NEK7: variants seen among roughly 807,000 people sequenced by gnomAD.
NEK7 encodes the protein NIMA related kinase 7.
A neutral mutation model predicts 44.6 loss-of-function variants in NEK7; 18 were observed. The ratio of observed to expected loss-of-function variants is 0.40; its 90% CI spans 0.28 to 0.60. The LOEUF (loss-of-function observed/expected upper bound fraction) is 0.60. NEK7 is among the 20% of genes least tolerant of loss of function. The pLI, the probability that NEK7 is intolerant of heterozygous loss-of-function variation, is 0.38. For missense variants in NEK7, 256 were observed against 366.5 expected (o/e 0.70, Z 2.46); for synonymous variants, 130 against 121.1 (o/e 1.07, Z -0.48).
At chr1:198,242,819 T>G (rs1000490144) in intron 2 of NEK7, among the ~76,000 whole-genome samples, 6 of 150,888 alleles carry the variant, frequency 4.0e-5, no homozygotes, top group African/African-American at 1.2e-4. Flanking sequence ...ATTTTTTTTT[T>G]TGTATTTAAT....
At chr1:198,231,206 G>A (rs538503203) in intron 1 of NEK7, among the ~76,000 whole-genome samples, 4 of 149,446 alleles carry the variant, frequency 2.7e-5, no homozygotes, top group Admixed American at 6.7e-5. Context: ...ACTGTATAGT[G>A]TACTATTGTT....
At chr1:198,226,689 TGCTCTAATATTGGGGTGCCTCAGG>T (rs1161036151) in intron 1 of NEK7, among the ~76,000 whole-genome samples, 7 of 152,054 alleles carry the variant, frequency 4.6e-5, no homozygotes, top group African/African-American at 1.7e-4. Context: ...TATAGCCTTT[TGCTCTAATATTGGGGTGCCTCAGG>T]GCTCAGAAGG....
At chr1:198,257,898 T>C (rs1287456704) in intron 3 of NEK7, among the ~76,000 whole-genome samples, 1 of 152,158 alleles carries the variant, frequency 6.6e-6, no homozygotes, top group Non-Finnish European at 1.5e-5. Context: ...AGGGACACAA[T>C]AGTGGGACAC....
chr1:198,297,317 T>C (rs1400627333), intron 9 of NEK7, 77 bp downstream of exon 9: 5 of 1,577,112 alleles, frequency 3.2e-6, no homozygotes, highest in Admixed American at 1.8e-5. Flanking sequence ...AATTTTACTT[T>C]ATCCAAAAAT....
intron 3 of NEK7, among the ~76,000 whole-genome samples, chr1:198,258,311 C>T (rs376906133): frequency 2.6e-5 from 4 of 152,080 alleles, no homozygotes; most frequent in African/African-American, 9.7e-5. Context: ...TGGTGGCACA[C>T]GCCTGTAGTC....
intron 1 of NEK7, among the ~76,000 whole-genome samples, chr1:198,187,435 G>C (rs1664953895): frequency 6.6e-6 from 1 of 152,160 alleles, no homozygotes; most frequent in South Asian, 2.1e-4. Context: ...AGAAAGGCTT[G>C]TTCCACATCT....
Position 198,319,394 on chromosome 1 carries a change from G to T in NEK7, c.799-18G>T. 4 of 1,585,542 alleles carry T rather than the reference G, an allele frequency of 2.5e-6. No homozygotes were observed. The highest frequency in any genetic ancestry group is 3.4e-6 in the Non-Finnish European group (4 of 1,160,602). On this transcript the variant is annotated intron_variant, in intron 9 of 9. Coordinates refer to ENST00000367385, the MANE Select transcript of NEK7 (RefSeq NM_133494.3). Reference sequence around the variant, plus strand: ...ATAGTTGTCTTAATCAGGTTTTATTGTTTTTCTTTCTTCACAGCTCCGACA... The same window carrying T: ...ATAGTTGTCTTAATCAGGTTTTATTTTTTTTCTTTCTTCACAGCTCCGACA...
At chr1:198,240,940 G>A (rs962432778) in intron 2 of NEK7, among the ~76,000 whole-genome samples, 5 of 152,092 alleles carry the variant, frequency 3.3e-5, no homozygotes, top group African/African-American at 9.7e-5. Context: ...TGATCCACCC[G>A]CCTTGGCCTC....
At chr1:198,287,272 G>C (rs1654401939) in intron 7 of NEK7, among the ~76,000 whole-genome samples, 1 of 152,046 alleles carries the variant, frequency 6.6e-6, no homozygotes, top group Non-Finnish European at 1.5e-5. Flanking sequence ...ACGAGGTCAG[G>C]AGATTGAGAC....
At chr1:198,196,951 A>G (rs1226131177) in intron 1 of NEK7, among the ~76,000 whole-genome samples, 1 of 152,172 alleles carries the variant, frequency 6.6e-6, no homozygotes, top group Non-Finnish European at 1.5e-5. Flanking sequence ...TCTCTTGGGT[A>G]TAGTAATAGA....
At chr1:198,159,376 T>A (rs1282841907) in intron 1 of NEK7, among the ~76,000 whole-genome samples, 1 of 152,204 alleles carries the variant, frequency 6.6e-6, no homozygotes, top group African/African-American at 2.4e-5. Flanking sequence ...GTTTCGTGAT[T>A]CAGCTGCACC....
chr1:198,177,818 G>A (rs951318501), intron 1 of NEK7, among the ~76,000 whole-genome samples: 1 of 151,870 alleles, frequency 6.6e-6, no homozygotes, highest in Non-Finnish European at 1.5e-5. Flanking sequence ...GGTTAAAGGA[G>A]GCCTTTAAAT....
intron 1 of NEK7, among the ~76,000 whole-genome samples, chr1:198,223,108 CTTA>C (rs1666116555): frequency 6.6e-6 from 1 of 151,234 alleles, no homozygotes; most frequent in African/African-American, 2.4e-5. Flanking sequence ...CAGGAGATTA[CTTA>C]CAGAATTCTA....
intron 1 of NEK7, among the ~76,000 whole-genome samples, chr1:198,187,110 G>A (rs777924351): frequency 6.6e-6 from 1 of 152,140 alleles, no homozygotes; most frequent in Non-Finnish European, 1.5e-5. Flanking sequence ...TTTGCTCTGT[G>A]GCATGAATTC....
intron 2 of NEK7, among the ~76,000 whole-genome samples, chr1:198,235,543 CTG>C (rs552435721): frequency 1.6e-3 from 248 of 152,216 alleles, no homozygotes; most frequent in African/African-American, 5.8e-3. Context: ...AAAATTCAAA[CTG>C]TATAAAGATG....
At chr1:198,167,805 A>C (rs1428750637) in intron 1 of NEK7, among the ~76,000 whole-genome samples, 2 of 152,178 alleles carry the variant, frequency 1.3e-5, no homozygotes, top group African/African-American at 4.8e-5. Context: ...GCCACGCTGG[A>C]AAGTGTTCAA....
intron 2 of NEK7, among the ~76,000 whole-genome samples, chr1:198,248,821 G>T (rs1339554423): frequency 6.6e-6 from 1 of 151,886 alleles, no homozygotes; most frequent in East Asian, 1.9e-4. Flanking sequence ...GTGAACTAAA[G>T]ACAAGTTATA....
At chr1:198,235,094 A>C (rs1666510897) in intron 2 of NEK7, among the ~76,000 whole-genome samples, 1 of 152,086 alleles carries the variant, frequency 6.6e-6, no homozygotes, top group African/African-American at 2.4e-5. Flanking sequence ...GACTTCTTTC[A>C]CTTTTGTAAT....
intron 7 of NEK7, among the ~76,000 whole-genome samples, chr1:198,285,993 A>G (rs1356400646): frequency 6.6e-6 from 1 of 152,180 alleles, no homozygotes; most frequent in African/African-American, 2.4e-5. Context: ...CTTTAAATCC[A>G]GAAAGATTCA....
Sources: gnomAD v4.1 joint callset for allele counts (sites outside exome capture counted in the v4.1 genomes callset) on GRCh38, gnomAD v4.1.1 for gene constraint, MANE v1.5 for transcripts, NCBI Gene and HGNC (gene_info 2026-07-23, HGNC 2026-07-21) for gene names.